SPAG16: variants seen among roughly 807,000 people sequenced by gnomAD.
SPAG16 encodes the protein sperm associated antigen 16, also known as sperm-associated antigen 16 protein.
A neutral mutation model predicts 80.4 loss-of-function variants in SPAG16; 86 were observed. The observed-to-expected ratio is 1.07, with a 90% confidence interval of 0.90 to 1.28. SPAG16 has a LOEUF of 1.28. Among genes scored for constraint, SPAG16 ranks in the 50% most tolerant of loss-of-function variants. The probability of loss-of-function intolerance (pLI) is 0.00; values close to 1 mark genes in which losing one functional copy is unlikely to be tolerated. For synonymous variants in SPAG16, 294 were observed against 265.9 expected, an observed-to-expected ratio of 1.11 and a Z score of -1.03; for missense variants, 870 against 765.3, an observed-to-expected ratio of 1.14 and a Z score of -1.61.
At chr2:213,291,041 A>T (rs2062248987) in intron 1 of SPAG16, among the ~76,000 whole-genome samples, 1 of 152,154 alleles carries the variant, frequency 6.6e-6, no homozygotes, top group Admixed American at 6.5e-5. Context: ...ATCTGTTTTC[A>T]TTGGGTCGAT....
At chr2:213,482,959 G>A (rs929189704) in intron 9 of SPAG16, among the ~76,000 whole-genome samples, 2 of 152,102 alleles carry the variant, frequency 1.3e-5, no homozygotes, top group Admixed American at 1.3e-4. Flanking sequence ...ATTTGAATAT[G>A]CAGAAATGAA....
chr2:213,736,242 A>C (rs2067275197), intron 10 of SPAG16, among the ~76,000 whole-genome samples: 1 of 152,220 alleles, frequency 6.6e-6, no homozygotes, highest in African/African-American at 2.4e-5. Flanking sequence ...TATCATAATA[A>C]AGATAATGAT....
chr2:214,012,289 T>TATATATATATA (rs71034604), intron 12 of SPAG16, among the ~76,000 whole-genome samples: 22 of 26,068 alleles, frequency 8.4e-4, no homozygotes, highest in African/African-American at 2.9e-3. Context: ...TATATATATA[T>TATATATATATA]TTTTTTTTTT....
rs1329869756 is a variant in SPAG16, at chr2:213,869,253, C to CAAAAAAAAAAAAAAA, written c.1214+6637_1214+6638insAAAAAAAAAAAAAAA. On this transcript the variant is annotated intron_variant, in intron 11 of 15. Coordinates refer to ENST00000331683, the MANE Select transcript of SPAG16 (RefSeq NM_024532.5). ...GGGCAACAAGAGCTAAAGTCCATGT[C>CAAAAAAAAAAAAAAA]AAAAAAAAAAAATATATATATATAT... Among the ~76,000 whole-genome samples, 46 of 82,806 alleles carry CAAAAAAAAAAAAAAA rather than the reference C, an allele frequency of 5.6e-4. 14 individuals carry two copies. Among genetic ancestry groups the CAAAAAAAAAAAAAAA allele is most frequent in the Non-Finnish European group, 9.4e-4 (38 of 40,360 alleles). The allele number at this position is 82,806 out of a possible 152,430, so 54.3% of individuals were successfully genotyped here.
chr2:214,096,025 G>A (rs917238296), intron 13 of SPAG16, among the ~76,000 whole-genome samples: 1 of 152,070 alleles, frequency 6.6e-6, no homozygotes, highest in Admixed American at 6.6e-5. Flanking sequence ...ATTATAGAAT[G>A]TAATGGTGAG....
chr2:213,473,885 G>A (rs1031342221), intron 9 of SPAG16, among the ~76,000 whole-genome samples: 4 of 152,194 alleles, frequency 2.6e-5, no homozygotes, highest in African/African-American at 9.7e-5. Flanking sequence ...GGCCTGCCGG[G>A]ACTTTAGTCT....
At chr2:214,140,314 T>A (rs1023756572) in intron 14 of SPAG16, among the ~76,000 whole-genome samples, 2 of 152,028 alleles carry the variant, frequency 1.3e-5, no homozygotes, top group Admixed American at 1.3e-4. Context: ...ATTTTTAGTT[T>A]CTAATTTAAT....
chr2:213,364,720 A>G (rs974980339), intron 8 of SPAG16: 1 of 152,290 alleles, frequency 6.6e-6, no homozygotes, highest in South Asian at 2.1e-4. Flanking sequence ...GGAGTTTACT[A>G]TGAGTCCTTA....
intron 10 of SPAG16, among the ~76,000 whole-genome samples, chr2:213,641,556 C>A (rs907621564): frequency 3.3e-5 from 5 of 152,220 alleles, no homozygotes; most frequent in African/African-American, 1.2e-4. Context: ...TCCCCAAAGG[C>A]CCCTGTGAAA....
At chr2:213,870,205 C>T (rs965268069) in intron 11 of SPAG16, among the ~76,000 whole-genome samples, 20 of 152,116 alleles carry the variant, frequency 1.3e-4, no homozygotes, top group African/African-American at 4.8e-4. Context: ...GGCTCTCTTC[C>T]CTTCTCTTCA....
Position 213,351,578 on chromosome 2 carries a change from G to T in SPAG16, c.762+933G>T, listed in dbSNP as rs562156448. 1.5e-3 allele frequency among the ~76,000 whole-genome samples: 235 copies of T among 152,098 alleles called. 1 individual carries two copies. Among genetic ancestry groups the T allele is most frequent in the African/African-American group, 5.4e-3 (223 of 41,496 alleles). Reference sequence around the variant, plus strand: ...TATGCCACTTTAAAACCATTTATCAGTTTTTTTAGAATATATAAAACTGCA... The same window carrying T: ...TATGCCACTTTAAAACCATTTATCATTTTTTTTAGAATATATAAAACTGCA... On this transcript the variant is annotated intron_variant, in intron 7 of 15. Coordinates refer to ENST00000331683, the MANE Select transcript of SPAG16 (RefSeq NM_024532.5).
At chr2:214,404,741 A>C (rs926975352) in intron 15 of SPAG16, among the ~76,000 whole-genome samples, 14 of 152,128 alleles carry the variant, frequency 9.2e-5, no homozygotes, top group African/African-American at 3.1e-4. Flanking sequence ...CAAAGTGAGA[A>C]ATGAATTTTA....
chr2:213,468,458 T>A (rs918942878), intron 9 of SPAG16, among the ~76,000 whole-genome samples: 2 of 125,468 alleles, frequency 1.6e-5, no homozygotes, highest in African/African-American at 4.3e-5. Flanking sequence ...TAGATATATA[T>A]ATCTCTATGT....
intron 10 of SPAG16, among the ~76,000 whole-genome samples, chr2:213,566,357 T>G (rs1455068586): frequency 1.3e-5 from 2 of 152,126 alleles, no homozygotes; most frequent in East Asian, 3.8e-4. Context: ...GGCAAAACAT[T>G]CAGAGGGAAA....
At chr2:213,335,755 G>T (rs908223244) in intron 5 of SPAG16, among the ~76,000 whole-genome samples, 1 of 152,144 alleles carries the variant, frequency 6.6e-6, no homozygotes, top group African/African-American at 2.4e-5. Context: ...GGTGGAGAAA[G>T]TTCACCATGA....
At chr2:213,559,413 CAAG>C (rs1211350239) in intron 10 of SPAG16, among the ~76,000 whole-genome samples, 1 of 151,956 alleles carries the variant, frequency 6.6e-6, no homozygotes, top group East Asian at 1.9e-4. Context: ...TAAGGAGAAA[CAAG>C]AGGAAGGAGA....
intron 10 of SPAG16, among the ~76,000 whole-genome samples, chr2:213,790,533 A>C (rs1249348170): frequency 6.6e-6 from 1 of 151,778 alleles, no homozygotes; most frequent in Non-Finnish European, 1.5e-5. Flanking sequence ...TTCTGTACTT[A>C]TATTTTCATT....
chr2:213,764,526 T>A (rs922361485), intron 10 of SPAG16, among the ~76,000 whole-genome samples: 1 of 152,178 alleles, frequency 6.6e-6, no homozygotes, highest in South Asian at 2.1e-4. Context: ...ATATTTTTTT[T>A]AAACTCTCTG....
intron 10 of SPAG16, among the ~76,000 whole-genome samples, chr2:213,862,121 C>T (rs180825202): frequency 9.7e-4 from 148 of 152,236 alleles, no homozygotes; most frequent in African/African-American, 3.2e-3. Flanking sequence ...TAACCATGAC[C>T]ACTGGTCCAA....
Sources: gnomAD v4.1 joint callset for allele counts (sites outside exome capture counted in the v4.1 genomes callset) on GRCh38, gnomAD v4.1.1 for gene constraint, MANE v1.5 for transcripts, NCBI Gene and HGNC (gene_info 2026-07-23, HGNC 2026-07-21) for gene names.